The following COP1 variants were observed in gnomAD, a reference collection of about 807,000 sequenced individuals.
COP1 encodes E3 ubiquitin-protein ligase COP1.
In COP1, 24 loss-of-function variants were observed where a neutral mutation model predicts 101.3. The ratio of observed to expected loss-of-function variants is 0.24; its 90% CI spans 0.17 to 0.33. The LOEUF is 0.33. COP1 is among the 10% of genes least tolerant of loss of function. COP1 has a pLI of 1.00. For synonymous variants in COP1, 347 were observed against 341.9 expected, an observed-to-expected ratio of 1.01 and a Z score of -0.17; for missense variants, 663 against 906.2, an observed-to-expected ratio of 0.73 and a Z score of 3.45.
rs563722913 is a variant in COP1 at position 176,202,971 on chromosome 1, G to C, written c.407+3601C>G. On this transcript the variant is annotated intron_variant, in intron 1 of 19. Coordinates refer to ENST00000367669, the MANE Select transcript of COP1 (RefSeq NM_022457.7). ...ATCTTAGTTTAACACAAAATAGGCA[G>C]TCACATATTTACTGAATGGTAGATC... Among the ~76,000 whole-genome samples, 7 of 152,222 alleles carry C rather than the reference G, an allele frequency of 4.6e-5. No homozygotes were observed. The East Asian group carries it at 1.4e-3, about 30-fold the overall frequency.
chr1:176,000,734 T>G (rs1024281134), intron 15 of COP1, among the ~76,000 whole-genome samples: 1 of 152,072 alleles, frequency 6.6e-6, no homozygotes, highest in African/African-American at 2.4e-5. Context: ...TGTTGCTTTT[T>G]TTTTTGTTAT....
chr1:176,114,102 C>T (rs1310101198), intron 9 of COP1, among the ~76,000 whole-genome samples: 2 of 152,094 alleles, frequency 1.3e-5, no homozygotes, highest in Non-Finnish European at 2.9e-5. Flanking sequence ...AGAAGGAGAA[C>T]ATAAATGGCT....
At chr1:176,188,612 T>A (rs1478083818) in intron 1 of COP1, among the ~76,000 whole-genome samples, 1 of 152,160 alleles carries the variant, frequency 6.6e-6, no homozygotes, top group Non-Finnish European at 1.5e-5. Flanking sequence ...TTGGTAATTT[T>A]CACAATATTT....
chr1:176,131,566 A>G (rs2149705200), intron 8 of COP1, among the ~76,000 whole-genome samples: 2 of 152,014 alleles, frequency 1.3e-5, no homozygotes, highest in East Asian at 3.9e-4. Flanking sequence ...GCCTGCTTAA[A>G]AGAGAGATCA....
chr1:176,086,224 TTTC>T (rs1680112571), intron 9 of COP1, among the ~76,000 whole-genome samples: 1 of 56,386 alleles, frequency 1.8e-5, no homozygotes, highest in Non-Finnish European at 4.0e-5. Context: ...TTTGGGAATC[TTTC>T]TTTTTTTTTT....
intron 9 of COP1, among the ~76,000 whole-genome samples, chr1:176,091,431 A>C (rs1681282527): frequency 6.6e-6 from 1 of 152,108 alleles, no homozygotes. Context: ...GAGACACAAA[A>C]TAAAAAAAGA....
At position 176,032,684 on chromosome 1, in the gene COP1, C is replaced by T. The variant is rs909353601; in HGVS notation, c.1613-4996G>A. ...ACGCAGATGTTTCTCCCAAACCAAGCGACTGCGAAGAGAGAAAATGATGAA... is the reference window on the plus strand; with the variant it reads ...ACGCAGATGTTTCTCCCAAACCAAGTGACTGCGAAGAGAGAAAATGATGAA... On this transcript the variant is annotated intron_variant, in intron 14 of 19. Coordinates refer to ENST00000367669, the MANE Select transcript of COP1 (RefSeq NM_022457.7). 7.2e-5 allele frequency among the ~76,000 whole-genome samples: 11 copies of T among 151,942 alleles called. 1 individual carries two copies. The highest frequency in any genetic ancestry group is 1.9e-4 in the African/African-American group (8 of 41,370).
chr1:176,169,973 G>C (rs1456931606), intron 3 of COP1, among the ~76,000 whole-genome samples: 3 of 152,198 alleles, frequency 2.0e-5, no homozygotes, highest in Admixed American at 6.6e-5. Context: ...AATGTTCACA[G>C]CATCTTCACT....
At chr1:175,959,518 T>C (rs895770639) in intron 18 of COP1, among the ~76,000 whole-genome samples, 1 of 152,088 alleles carries the variant, frequency 6.6e-6, no homozygotes, top group African/African-American at 2.4e-5. Flanking sequence ...AAACTTTAAT[T>C]ATTTGTGGAT....
rs545063655 is a variant in COP1 at position 176,049,422 on chromosome 1, C to T, written c.1278-3098G>A. ...TTTAATATATTAAGGTATCAAGAAC[C>T]TGTAGAGTATGTTTTTAAAAATATT... On this transcript the variant is annotated intron_variant, in intron 11 of 19. Transcript: ENST00000367669. Among the ~76,000 whole-genome samples, 22 of 151,816 alleles carry T rather than the reference C, an allele frequency of 1.4e-4. No individual in the cohort carries two copies. The South Asian group carries it at 4.6e-3, about 32-fold the overall frequency.
intron 2 of COP1, among the ~76,000 whole-genome samples, chr1:176,181,797 C>T (rs1393663407): frequency 4.6e-5 from 7 of 151,396 alleles, no homozygotes; most frequent in Admixed American, 2.0e-4. Context: ...GAGCGGAGAT[C>T]GAGCCACTGC....
At chr1:176,152,826 T>G (rs1273848734) in intron 5 of COP1, among the ~76,000 whole-genome samples, 1 of 152,152 alleles carries the variant, frequency 6.6e-6, no homozygotes, top group Non-Finnish European at 1.5e-5. Flanking sequence ...AATGTGCAGG[T>G]AACATTTCAC....
At chr1:176,057,238 T>C (rs570311151) in intron 11 of COP1, among the ~76,000 whole-genome samples, 5 of 152,322 alleles carry the variant, frequency 3.3e-5, no homozygotes, top group African/African-American at 1.2e-4. Flanking sequence ...ATTTATATAG[T>C]TTGCTACATG....
At chr1:176,064,546 G>C (rs1014540447) in intron 11 of COP1, among the ~76,000 whole-genome samples, 2 of 152,168 alleles carry the variant, frequency 1.3e-5, no homozygotes, top group African/African-American at 4.8e-5. Flanking sequence ...ACACCTCAAT[G>C]ATCTCAGGGT....
In COP1 at chr1:176,040,630, A is replaced by G. The variant is rs920696686; in HGVS notation, c.1612+2556T>C. Among the ~76,000 whole-genome samples, 8 of 152,170 alleles carry G rather than the reference A, an allele frequency of 5.3e-5. No individual in the cohort carries two copies. The East Asian group carries it at 1.5e-3, about 29-fold the overall frequency. ...TGGCTGACGAGTTCTTAAATCAAGG[A>G]AAAAAGGTATTCCATTCTGTATATA... is the stretch of plus-strand genomic sequence containing the variant. On this transcript the variant is annotated intron_variant, in intron 14 of 19. Transcript: ENST00000367669.
Position 176,059,225 on chromosome 1 carries a change from G to A in COP1, c.1278-12901C>T, listed in dbSNP as rs577060475. Among the ~76,000 whole-genome samples, 5 of 152,304 alleles carry A rather than the reference G, an allele frequency of 3.3e-5. No homozygotes were observed. In the East Asian group the frequency reaches 9.6e-4, roughly 29 times the overall value. Reference sequence around the variant, plus strand: ...GGTTAATGTAATTCATCTATCAAGTGTATTCTGTATGAAACTTGTTCACAT... The same window carrying A: ...GGTTAATGTAATTCATCTATCAAGTATATTCTGTATGAAACTTGTTCACAT... On this transcript the variant is annotated intron_variant, in intron 11 of 19. Transcript: ENST00000367669.
chr1:175,952,422 CAAAA>C (rs35585282), intron 18 of COP1, among the ~76,000 whole-genome samples: 5 of 116,060 alleles, frequency 4.3e-5, no homozygotes, highest in Admixed American at 1.7e-4. Context: ...GACTTCATCT[CAAAA>C]AAAAAAAAAA....
intron 8 of COP1, among the ~76,000 whole-genome samples, chr1:176,130,506 T>G (rs930038472): frequency 1.3e-5 from 2 of 151,834 alleles, no homozygotes; most frequent in Non-Finnish European, 3.0e-5. Context: ...TTTGATTAAT[T>G]CTACGGAAAG....
intron 18 of COP1, among the ~76,000 whole-genome samples, chr1:175,953,377 G>T (rs1354361152): frequency 6.6e-6 from 1 of 152,056 alleles, no homozygotes; most frequent in Non-Finnish European, 1.5e-5. Context: ...TGATAATTAA[G>T]TATAAGGGGT....
Sources: allele counts gnomAD v4.1 joint callset (sites outside exome capture counted in the v4.1 genomes callset), GRCh38; gene constraint gnomAD v4.1.1; transcripts MANE v1.5; gene names NCBI Gene and HGNC (gene_info 2026-07-23, HGNC 2026-07-21).